The following IL15 variants were observed in gnomAD, a reference collection of about 807,000 sequenced individuals.
The protein encoded by IL15 is interleukin-15.
Under a neutral mutation model 19.6 loss-of-function variants are expected in IL15, and 11 were observed. The observed-to-expected ratio is 0.56, with a 90% CI of 0.35 to 0.93. The LOEUF is 0.93. Ranked by LOEUF, IL15 falls within the 40% of genes least tolerant of loss-of-function variation. The pLI is 0.01. For synonymous variants in IL15, 58 were observed against 59.6 expected (o/e 0.97, Z 0.12); for missense variants, 197 against 186.5 (o/e 1.06, Z -0.33).
intron 2 of IL15, chr4:141,715,866 T>C (rs1453666932): frequency 6.6e-6 from 1 of 152,182 alleles, no homozygotes; most frequent in Non-Finnish European, 1.5e-5. Flanking sequence ...CTTTCCTCAC[T>C]GGGAAGAACT....
chr4:141,699,288 A>G (rs1729202330), intron 2 of IL15, among the ~76,000 whole-genome samples: 1 of 152,200 alleles, frequency 6.6e-6, no homozygotes, highest in South Asian at 2.1e-4. Flanking sequence ...GCTGATGAGA[A>G]GAATGTATAT....
At chr4:141,730,452 G>T (rs866152612) in intron 7 of IL15, among the ~76,000 whole-genome samples, 1 of 152,062 alleles carries the variant, frequency 6.6e-6, no homozygotes, top group Non-Finnish European at 1.5e-5. Context: ...ATTTCTGTTT[G>T]AATGTTGAAG....
At chr4:141,685,898 A>C (rs143689721) in intron 2 of IL15, among the ~76,000 whole-genome samples, 1 of 152,138 alleles carries the variant, frequency 6.6e-6, no homozygotes, top group Non-Finnish European at 1.5e-5. Flanking sequence ...TCTTACTGTT[A>C]CAGCCATTGG....
At chr4:141,681,938 A>G (rs1396960916) in intron 2 of IL15, among the ~76,000 whole-genome samples, 1 of 152,210 alleles carries the variant, frequency 6.6e-6, no homozygotes, top group Non-Finnish European at 1.5e-5. Flanking sequence ...TTCTTTCGGC[A>G]GTATACTGTG....
At chr4:141,704,426 A>G (rs1427277244) in intron 2 of IL15, among the ~76,000 whole-genome samples, 1 of 151,978 alleles carries the variant, frequency 6.6e-6, no homozygotes, top group African/African-American at 2.4e-5. Context: ...TTTTTTTAAT[A>G]TGCTGTTGGA....
At chr4:141,723,416 G>T (rs1730157530) in intron 5 of IL15, among the ~76,000 whole-genome samples, 1 of 152,174 alleles carries the variant, frequency 6.6e-6, no homozygotes, top group Non-Finnish European at 1.5e-5. Flanking sequence ...CAGAGGAAGA[G>T]ATCAGAGTGA....
chr4:141,727,928 GT>G lies in IL15; in HGVS notation c.196-9del, dbSNP rs745458562. The G allele has an allele frequency of 2.7e-6, 3 of 1,131,336 alleles. No homozygotes were observed. Among genetic ancestry groups the G allele is most frequent in the Non-Finnish European group, 3.9e-6 (3 of 762,486 alleles). 70.1% of individuals were successfully genotyped at this position (1,131,336 alleles called of 1,614,324 possible). On this transcript the variant is annotated splice_polypyrimidine_tract_variant and intron_variant, in intron 5 of 7. Transcript: ENST00000320650. The stretch of plus-strand genomic sequence containing the variant: ...ATAGTTTTTAATATTGTCTAATTTT[GT>G]TTCCTTTCAGTCTATGCATATTGAT...
intron 2 of IL15, among the ~76,000 whole-genome samples, chr4:141,674,646 G>A (rs972140443): frequency 6.6e-6 from 1 of 151,868 alleles, no homozygotes; most frequent in Non-Finnish European, 1.5e-5. Context: ...AATGTTTAAA[G>A]GTACAGTAAC....
chr4:141,701,417 G>A (rs531927914), intron 2 of IL15, among the ~76,000 whole-genome samples: 3 of 152,194 alleles, frequency 2.0e-5, no homozygotes, highest in South Asian at 2.1e-4. Context: ...GAGACGTTGT[G>A]TGTTGGTTTT....
chr4:141,708,803 T>A (rs894236590), intron 2 of IL15, among the ~76,000 whole-genome samples: 1 of 152,162 alleles, frequency 6.6e-6, no homozygotes, highest in East Asian at 1.9e-4. Context: ...TTATTCACTG[T>A]TTTGATCCCT....
At position 141,656,175 on chromosome 4, in the gene IL15, G is replaced by T; in HGVS notation, c.-221-11G>T. 2.5e-6 allele frequency: 1 copy of T among 398,226 alleles called. No homozygotes were observed. Among genetic ancestry groups the T allele is most frequent in the South Asian group, 1.3e-4 (1 of 7,806 alleles). The allele number at this position is 398,226 out of a possible 1,614,324, so 24.7% of individuals were successfully genotyped here. On this transcript the variant is annotated splice_polypyrimidine_tract_variant and intron_variant, in intron 1 of 7. Transcript: ENST00000320650. ...TATTAATCCTCTTATCCGTACCTTT[G>T]ACTCTTACAGAATCCATTCCAATAT...
chr4:141,731,279 A>G (rs1042106188), intron 7 of IL15, among the ~76,000 whole-genome samples: 1 of 152,098 alleles, frequency 6.6e-6, no homozygotes, highest in Non-Finnish European at 1.5e-5. Context: ...TATCTGGAAT[A>G]TGATATATTT....
chr4:141,707,401 A>G (rs1729555581), intron 2 of IL15, among the ~76,000 whole-genome samples: 1 of 152,134 alleles, frequency 6.6e-6, no homozygotes, highest in Non-Finnish European at 1.5e-5. Flanking sequence ...GTATCATTTT[A>G]CTTGGGGTCT....
chr4:141,663,222 C>G (rs1489965095), intron 2 of IL15, among the ~76,000 whole-genome samples: 10 of 152,098 alleles, frequency 6.6e-5, no homozygotes, highest in Non-Finnish European at 2.9e-5. Context: ...TTTAAAAAGA[C>G]AACTCAATAA....
At chr4:141,657,869 A>G (rs1320494845) in intron 2 of IL15, among the ~76,000 whole-genome samples, 1 of 152,256 alleles carries the variant, frequency 6.6e-6, no homozygotes, top group Non-Finnish European at 1.5e-5. Context: ...AATAATGATA[A>G]AAAGTATAGT....
chr4:141,654,897 C>A (rs181057988), intron 1 of IL15, among the ~76,000 whole-genome samples: 1 of 152,094 alleles, frequency 6.6e-6, no homozygotes, highest in African/African-American at 2.4e-5. Context: ...GGAACATTGG[C>A]CCATATTGAT....
Position 141,721,956 on chromosome 4 carries a change from C to T in IL15, c.143C>T (p.Ala48Val). The change falls in exon 5 of 8, where the codon GCC becomes GTC. Residue 48 changes from alanine to valine, a missense_variant. Transcript: ENST00000320650. ...AGTGCAGGGCTTCCTAAAACAGAAG[C>T]CAACTGGGTGAATGTAATAAGTGAT... The part of the protein sequence containing the change: ...CFSAGLPKTE[A>V]NWVNVISDLK... The T allele has an allele frequency of 1.3e-6, 2 of 1,594,486 alleles. No homozygotes were observed. Among genetic ancestry groups the T allele is most frequent in the Admixed American group, 1.7e-5 (1 of 59,738 alleles).
At chr4:141,685,052 C>T (rs1728665692) in intron 2 of IL15, among the ~76,000 whole-genome samples, 1 of 151,866 alleles carries the variant, frequency 6.6e-6, no homozygotes, top group African/African-American at 2.4e-5. Context: ...TTGGCTACTA[C>T]TTAGTCATTC....
chr4:141,682,822 G>A (rs1728577461), intron 2 of IL15, among the ~76,000 whole-genome samples: 1 of 152,128 alleles, frequency 6.6e-6, no homozygotes, highest in Non-Finnish European at 1.5e-5. Flanking sequence ...GCCGGGTGTG[G>A]TGGCGGGCGC....
Sources: gnomAD v4.1 joint callset for allele counts (sites outside exome capture counted in the v4.1 genomes callset) on GRCh38, gnomAD v4.1.1 for gene constraint, MANE v1.5 for transcripts, NCBI Gene and HGNC (gene_info 2026-07-23, HGNC 2026-07-21) for gene names.